Variants in KIF1A observed in about 807,000 individuals in gnomAD.
KIF1A encodes kinesin-like protein KIF1A.
A neutral mutation model predicts 227.3 loss-of-function variants in KIF1A; 46 were observed. That is an observed-to-expected ratio of 0.20 (90% CI 0.16 to 0.26). The LOEUF (loss-of-function observed/expected upper bound fraction) is 0.26. KIF1A is among the 10% of genes least tolerant of loss of function. The pLI is 1.00. For synonymous variants in KIF1A, 1,022 were observed against 1,012.8 expected (o/e 1.01, Z -0.17); for missense variants, 1,683 against 2,485.9 (o/e 0.68, Z 6.87).
At chr2:240,746,566 A>C (rs2048622582) in intron 29 of KIF1A, among the ~76,000 whole-genome samples, 2 of 152,144 alleles carry the variant, frequency 1.3e-5, no homozygotes, top group African/African-American at 4.8e-5. Context: ...CCTCCAAGAG[A>C]AAAGGCATTG....
rs911209790 is a variant in KIF1A, at chr2:240,815,973, C to G, written c.-61+4149G>C. 3.9e-4 allele frequency among the ~76,000 whole-genome samples: 60 copies of G among 152,244 alleles called. No individual in the cohort carries two copies. In the Middle Eastern group the frequency reaches 0.01, roughly 26 times the overall value. On this transcript the variant is annotated intron_variant, in intron 1 of 48. Transcript: ENST00000498729. The stretch of plus-strand genomic sequence containing the variant: ...TATGACCAGTGTTCTCTGTCTTCTT[C>G]CCCACCCCTGGAAACCTATGGTTGT...
chr2:240,727,010 CAGACAGACAGAG>C (rs1263436731), intron 38 of KIF1A, 70 bp from the exon 39 acceptor site: 1 of 881,790 alleles, frequency 1.1e-6, no homozygotes, highest in Non-Finnish European at 1.8e-6. Context: ...CGGGGACATG[CAGACAGACAGAG>C]CGACAGACAA....
chr2:240,717,173 C>T lies in KIF1A; in HGVS notation c.*191G>A, dbSNP rs557161979. ...GCACATTCTGCAAGAAGAACTGACACGCACAGCCTCTGCTGGGAGCACAGC... is the reference window on the plus strand; with the variant it reads ...GCACATTCTGCAAGAAGAACTGACATGCACAGCCTCTGCTGGGAGCACAGC... On this transcript the variant is annotated 3_prime_UTR_variant, in exon 49 of 49. Transcript: ENST00000498729. 2.0e-5 allele frequency: 11 copies of T among 546,380 alleles called. No homozygotes were observed. In the Middle Eastern group the frequency reaches 1.8e-3, roughly 92 times the overall value. The allele number at this position is 546,380 out of a possible 1,614,324, so 33.8% of individuals were successfully genotyped here.
chr2:240,769,746 G>A (rs376734513), intron 15 of KIF1A, 40 bp from the exon 16 acceptor site: 1,250 of 1,561,592 alleles, frequency 8.0e-4, no homozygotes, highest in Non-Finnish European at 1.0e-3. Flanking sequence ...GCCGGGGCTA[G>A]GGCCAAGGGA....
intron 46 of KIF1A, 127 bp from the exon 47 acceptor site, chr2:240,719,325 C>G (rs117313695): frequency 1.8e-6 from 2 of 1,115,802 alleles, no homozygotes; most frequent in Admixed American, 2.7e-5. Flanking sequence ...GAAAGTGGGT[C>G]GAGGCATCGA....
intron 1 of KIF1A, among the ~76,000 whole-genome samples, chr2:240,816,249 GGTAT>G (rs1490419950): frequency 6.6e-6 from 1 of 151,822 alleles, no homozygotes; most frequent in Non-Finnish European, 1.5e-5. Context: ...TGTATGTGTG[GGTAT>G]GTGAGTGTGC....
chr2:240,740,271 C>T lies in KIF1A; in HGVS notation c.3816+27G>A. The T allele has an allele frequency of 6.2e-7, 1 of 1,603,690 alleles. No homozygotes were observed. The highest frequency in any genetic ancestry group is 8.5e-7 in the Non-Finnish European group (1 of 1,172,572). On this transcript the variant is annotated intron_variant, in intron 36 of 48. Coordinates refer to ENST00000498729, the MANE Select transcript of KIF1A (RefSeq NM_001244008.2). This position sits in a 1 kb window ranked among gnomAD's most constrained non-coding sequence, Gnocchi z 6.1. ...GGTGGGGTGGGGGAGGGGACACAGG[C>T]AGGGTAGGGGCAAGAGGGGCTCACA...
At chr2:240,787,365 T>TG (rs1465083670) in intron 4 of KIF1A, 49 bp from the exon 5 acceptor site, 1 of 1,529,930 alleles carries the variant, frequency 6.5e-7, no homozygotes, top group Non-Finnish European at 9.0e-7. Flanking sequence ...GGCTGCTCCC[T>TG]GGATCCCTGC....
rs956499089 is a variant in KIF1A, at chr2:240,793,940, G to A, written c.106+3707C>T. On this transcript the variant is annotated intron_variant, in intron 2 of 48. Coordinates refer to ENST00000498729, the MANE Select transcript of KIF1A (RefSeq NM_001244008.2). The surrounding 1 kb of genome is among the most constrained non-coding windows in gnomAD (Gnocchi z 4.8). ...GTCCCCGCCATCTTCCGAGGGGCCT[G>A]GCACACCAGCCAGGGCAGCCACTCC... 2.0e-5 allele frequency among the ~76,000 whole-genome samples: 3 copies of A among 152,174 alleles called. No homozygotes were observed. The highest frequency in any genetic ancestry group is 7.2e-5 in the African/African-American group (3 of 41,444).
intron 28 of KIF1A, among the ~76,000 whole-genome samples, chr2:240,748,995 C>T (rs1023079252): frequency 6.6e-6 from 1 of 152,032 alleles, no homozygotes; most frequent in Admixed American, 6.6e-5. Flanking sequence ...ATGACGCACC[C>T]CTGTAGTCCC....
chr2:240,758,600 C>T lies in KIF1A; in HGVS notation c.2445-103G>A. ...GACAGTGGGCTCAGCCTAGCTCTGG[C>T]CACCACATCCAGCTCAGGGTCATCA... On this transcript the variant is annotated intron_variant, in intron 25 of 48. Transcript: ENST00000498729. This position sits in a 1 kb window ranked among gnomAD's most constrained non-coding sequence, Gnocchi z 5.2. 1 of 1,212,982 alleles carries T rather than the reference C, an allele frequency of 8.2e-7. No individual in the cohort carries two copies. The highest frequency in any genetic ancestry group is 2.8e-5 in the East Asian group (1 of 35,632). The allele number at this position is 1,212,982 out of a possible 1,614,324, so 75.1% of individuals were successfully genotyped here.
chr2:240,754,552 T>C (rs1000116607), intron 27 of KIF1A, among the ~76,000 whole-genome samples: 2 of 152,206 alleles, frequency 1.3e-5, no homozygotes, highest in African/African-American at 4.8e-5. Context: ...TGTGAGGTGA[T>C]GGGGCAGAGC....
At position 240,789,444 on chromosome 2, in the gene KIF1A, G is replaced by A; in HGVS notation, c.107-132C>T. 1 of 712,560 alleles carries A rather than the reference G, an allele frequency of 1.4e-6. No homozygotes were observed. The highest frequency in any genetic ancestry group is 2.5e-6 in the Non-Finnish European group (1 of 402,232). 44.1% of individuals were successfully genotyped at this position (712,560 alleles called of 1,614,324 possible). ...GACAAGCCAGGCCCCCAAATTGGAG[G>A]GGACCTAGGACCCCACTCCCAGGCA... On this transcript the variant is annotated intron_variant, in intron 2 of 48. Coordinates refer to ENST00000498729, the MANE Select transcript of KIF1A (RefSeq NM_001244008.2). This position sits in a 1 kb window ranked among gnomAD's most constrained non-coding sequence, Gnocchi z 4.8.
chr2:240,805,831 CAT>C (rs2057361974), intron 1 of KIF1A, among the ~76,000 whole-genome samples: 3 of 152,112 alleles, frequency 2.0e-5, no homozygotes, highest in South Asian at 4.2e-4. Flanking sequence ...ATTAAAAACC[CAT>C]ATGTTTAGAA....
intron 1 of KIF1A, among the ~76,000 whole-genome samples, chr2:240,809,707 C>A (rs549188801): frequency 7.0e-6 from 1 of 143,376 alleles, no homozygotes; most frequent in East Asian, 2.0e-4. Flanking sequence ...CTCACTCTGT[C>A]GCCCAGGCTG....
chr2:240,775,190 T>C lies in KIF1A; in HGVS notation c.958+661A>G, dbSNP rs949074788. 3.3e-5 allele frequency among the ~76,000 whole-genome samples: 5 copies of C among 152,112 alleles called. No homozygotes were observed. Among genetic ancestry groups the C allele is most frequent in the Non-Finnish European group, 5.9e-5 (4 of 68,012 alleles). On this transcript the variant is annotated intron_variant, in intron 11 of 48. Transcript: ENST00000498729. This position sits in a 1 kb window ranked among gnomAD's most constrained non-coding sequence, Gnocchi z 5.5. ...GAGCTGGGGAGCAAGCATGGCTAGT[T>C]GTGGGGTGCAGAGGTGGTCAGCCAG...
chr2:240,743,830 G>T, intron 33 of KIF1A, 112 bp downstream of exon 33: 1 of 696,520 alleles, frequency 1.4e-6, no homozygotes, highest in Non-Finnish European at 2.5e-6. Flanking sequence ...GGGCAGGGGA[G>T]GTGGGTTTCA....
intron 10 of KIF1A, among the ~76,000 whole-genome samples, chr2:240,780,774 A>ACACACACACACACACACACACAGCTC (rs1559522329): frequency 1.7e-5 from 2 of 116,928 alleles, no homozygotes; most frequent in Admixed American, 8.7e-5. Context: ...ACAGCTCCAC[A>ACACACACACACACACACACACAGCTC]CACACACACA....
At position 240,775,383 on chromosome 2, in the gene KIF1A, G is replaced by A. The variant is rs1044524883; in HGVS notation, c.958+468C>T. 1.3e-4 allele frequency among the ~76,000 whole-genome samples: 20 copies of A among 152,322 alleles called. No homozygotes were observed. Among genetic ancestry groups the A allele is most frequent in the Middle Eastern group, 3.4e-3 (1 of 294 alleles). ...TTATTCCGGGATGGACGGGATCAGC[G>A]TCGGGTGCATTTCAATTCCCACCTC... On this transcript the variant is annotated intron_variant, in intron 11 of 48. Transcript: ENST00000498729. This position sits in a 1 kb window ranked among gnomAD's most constrained non-coding sequence, Gnocchi z 5.5.
Sources: allele counts gnomAD v4.1 joint callset (sites outside exome capture counted in the v4.1 genomes callset), GRCh38; gene constraint gnomAD v4.1.1; non-coding constraint Gnocchi (gnomAD v3.1); transcripts MANE v1.5; gene names NCBI Gene and HGNC (gene_info 2026-07-23, HGNC 2026-07-21).